Variants in CDKL4 observed in about 807,000 individuals in gnomAD.
CDKL4 encodes cyclin-dependent kinase-like 4.
Under a neutral mutation model 42.0 loss-of-function variants are expected in CDKL4, and 44 were observed. The ratio of observed to expected loss-of-function variants is 1.05; its 90% confidence interval spans 0.82 to 1.35. The LOEUF is 1.35. Ranked by LOEUF, CDKL4 falls within the 40% of genes most tolerant of loss-of-function variation. The pLI, the probability that CDKL4 is intolerant of heterozygous loss-of-function variation, is 0.00. For synonymous variants in CDKL4, 120 were observed against 121.6 expected, an observed-to-expected ratio of 0.99 and a Z score of 0.09; for missense variants, 393 against 369.9, an observed-to-expected ratio of 1.06 and a Z score of -0.51.
chr2:39,214,089 A>C (rs1415164345), intron 3 of CDKL4, among the ~76,000 whole-genome samples: 2 of 151,810 alleles, frequency 1.3e-5, no homozygotes, highest in Non-Finnish European at 2.9e-5. Context: ...TACCCGGCTA[A>C]TTTTTGTATT....
At chr2:39,212,303 G>A (rs1224307871) in intron 4 of CDKL4, among the ~76,000 whole-genome samples, 7 of 149,658 alleles carry the variant, frequency 4.7e-5, no homozygotes, top group Admixed American at 4.0e-4. Flanking sequence ...GCACGATCTC[G>A]GCTCACTGCA....
chr2:39,188,149 T>C lies in CDKL4; in HGVS notation c.653-440A>G, dbSNP rs113651265. Among the ~76,000 whole-genome samples the C allele has an allele frequency of 3.0e-3, 455 of 152,254 alleles. 4 individuals carry two copies. The highest frequency in any genetic ancestry group is 3.4e-3 in the Non-Finnish European group (229 of 68,004). On this transcript the variant is annotated intron_variant, in intron 6 of 9. Coordinates refer to ENST00000451199, the Ensembl canonical transcript of CDKL4. The stretch of plus-strand genomic sequence containing the variant: ...AAGTGCAGGTGTGAAAGAAATATTG[T>C]GCCTGATTGTTCCCTCCAGAGATGA...
intron 5 of CDKL4, among the ~76,000 whole-genome samples, chr2:39,203,259 G>A (rs774353593): frequency 6.6e-6 from 1 of 152,186 alleles, no homozygotes; most frequent in Non-Finnish European, 1.5e-5. Context: ...ATATTTATAC[G>A]TTTGGAAGTA....
At chr2:39,179,295 G>A (rs1675306237) in exon 9 of CDKL4, 1 of 1,606,516 alleles carries the variant, frequency 6.2e-7, no homozygotes, top group Middle Eastern at 1.7e-4. Context: ...AGGTTAATCT[G>A]TCATCTGGAT....
chr2:39,233,580 A>T (rs2148400889), intron 1 of CDKL4, among the ~76,000 whole-genome samples: 1 of 152,188 alleles, frequency 6.6e-6, no homozygotes, highest in Non-Finnish European at 1.5e-5. Flanking sequence ...GACAGAAAAC[A>T]CTCTCTTGGC....
At chr2:39,213,426 C>A (rs553392290) in exon 4 of CDKL4, 2 of 1,608,540 alleles carry the variant, frequency 1.2e-6, no homozygotes, top group African/African-American at 2.7e-5. Context: ...AAATTAAGAG[C>A]TTGAAGTGTT....
At chr2:39,174,928 T>C (rs1675105605), downstream of CDKL4, among the ~76,000 whole-genome samples, 1 of 152,106 alleles carries the variant, frequency 6.6e-6, no homozygotes, top group South Asian at 2.1e-4. Context: ...TACGTATGTA[T>C]GTCAAGTTTA....
intron 3 of CDKL4, among the ~76,000 whole-genome samples, chr2:39,219,196 T>C (rs1187658763): frequency 6.6e-6 from 1 of 152,146 alleles, no homozygotes; most frequent in African/African-American, 2.4e-5. Context: ...CTGTGACAAA[T>C]CTCTTTCTCT....
chr2:39,221,747 G>C (rs1678385838), intron 3 of CDKL4, among the ~76,000 whole-genome samples: 1 of 152,202 alleles, frequency 6.6e-6, no homozygotes, highest in African/African-American at 2.4e-5. Context: ...GGAGTTGCTT[G>C]AACATGCCTT....
intron 1 of CDKL4, among the ~76,000 whole-genome samples, chr2:39,232,556 G>A (rs1225501857): frequency 2.0e-5 from 3 of 152,254 alleles, no homozygotes; most frequent in Middle Eastern, 3.4e-3. Flanking sequence ...CATGCTCCAC[G>A]TTATGCCTAA....
intron 5 of CDKL4, among the ~76,000 whole-genome samples, chr2:39,198,157 A>G (rs535623155): frequency 6.6e-6 from 1 of 151,906 alleles, no homozygotes; most frequent in Admixed American, 6.6e-5. Flanking sequence ...ATTCCATGCC[A>G]GTGGACACCA....
At chr2:39,225,798 G>A in intron 3 of CDKL4, 41 bp downstream of exon 3, 2 of 1,564,092 alleles carry the variant, frequency 1.3e-6, no homozygotes, top group Non-Finnish European at 1.7e-6. Context: ...AAATGAAACT[G>A]AGAACTGGCT....
At chr2:39,232,382 T>C (rs1858215) in intron 1 of CDKL4, among the ~76,000 whole-genome samples, 6,256 of 152,300 alleles carry the variant, frequency 0.041, 441 homozygotes, top group African/African-American at 0.14. Context: ...ACAGAGTTTC[T>C]GGAGGCAGTA....
At chr2:39,229,285 A>G (rs1317491164) in intron 2 of CDKL4, 80 bp downstream of exon 2, 2 of 1,050,244 alleles carry the variant, frequency 1.9e-6, no homozygotes, top group East Asian at 5.3e-5. Flanking sequence ...GGGGAAAATA[A>G]CTTTAAAATT....
chr2:39,240,025 G>C (rs1679579822), intron 1 of CDKL4, among the ~76,000 whole-genome samples: 1 of 152,128 alleles, frequency 6.6e-6, no homozygotes, highest in Non-Finnish European at 1.5e-5. Context: ...GGGAGGCGGA[G>C]GTTGCAGTGA....
chr2:39,229,403 C>T (rs1457498160), exon 2 of CDKL4: 1 of 1,609,210 alleles, frequency 6.2e-7, no homozygotes, highest in Non-Finnish European at 8.5e-7. Flanking sequence ...ATTTTCTTAA[C>T]AACAGGATCA....
intron 1 of CDKL4, among the ~76,000 whole-genome samples, chr2:39,233,225 A>G (rs2148400254): frequency 6.6e-6 from 1 of 152,232 alleles, no homozygotes; most frequent in Admixed American, 6.5e-5. Context: ...GAAAGACTTA[A>G]GATCACCTCC....
chr2:39,238,992 T>G (rs1214670335), intron 1 of CDKL4, among the ~76,000 whole-genome samples: 1 of 152,234 alleles, frequency 6.6e-6, no homozygotes, highest in African/African-American at 2.4e-5. Context: ...CCTCAAGTGA[T>G]CTGCCTGCTG....
intron 9 of CDKL4, among the ~76,000 whole-genome samples, chr2:39,176,722 C>T (rs1383181254): frequency 6.6e-6 from 1 of 152,180 alleles, no homozygotes; most frequent in African/African-American, 2.4e-5. Context: ...GTGTGGGCCA[C>T]CCACCTGGCC....
Sources: gnomAD v4.1 joint callset for allele counts (sites outside exome capture counted in the v4.1 genomes callset) on GRCh38, gnomAD v4.1.1 for gene constraint, MANE v1.5 for transcripts, NCBI Gene and HGNC (gene_info 2026-07-23, HGNC 2026-07-21) for gene names.